Variants in SYN3 observed in about 807,000 individuals in gnomAD.
The protein encoded by SYN3 is synapsin III, also known as synapsin-3.
SYN3 carries 35 observed loss-of-function variants against 65.8 expected under a neutral mutation model. The observed-to-expected ratio is 0.53, with a 90% CI of 0.41 to 0.70. The LOEUF is 0.70. Ranked by LOEUF, SYN3 falls within the 30% of genes least tolerant of loss-of-function variation. The pLI is 0.00. For missense variants in SYN3, 680 were observed against 749.0 expected (o/e 0.91, Z 1.08); for synonymous variants, 270 against 292.9 (o/e 0.92, Z 0.80).
At chr22:32,548,133 G>C (rs1440973372) in intron 7 of SYN3, among the ~76,000 whole-genome samples, 1 of 152,188 alleles carries the variant, frequency 6.6e-6, no homozygotes, top group East Asian at 1.9e-4. Flanking sequence ...ACAGACCCCA[G>C]GTGTGGTTTC....
chr22:32,641,974 T>G (rs1323917126), intron 6 of SYN3, among the ~76,000 whole-genome samples: 1 of 151,998 alleles, frequency 6.6e-6, no homozygotes, highest in Non-Finnish European at 1.5e-5. Context: ...CCTCTGGCAA[T>G]CCTCACACTG....
intron 6 of SYN3, among the ~76,000 whole-genome samples, chr22:32,841,220 AC>A (rs1439559977): frequency 2.0e-5 from 3 of 152,230 alleles, no homozygotes; most frequent in African/African-American, 4.8e-5. Context: ...AAAGCAAAGA[AC>A]CTGCTGCCCG....
At chr22:32,969,148 G>C (rs1356755869) in intron 3 of SYN3, among the ~76,000 whole-genome samples, 1 of 152,170 alleles carries the variant, frequency 6.6e-6, no homozygotes, top group Non-Finnish European at 1.5e-5. Flanking sequence ...GAACTGAGCT[G>C]GGTTTCCCAG....
At chr22:32,662,231 G>A (rs1209899140) in intron 6 of SYN3, among the ~76,000 whole-genome samples, 3 of 150,830 alleles carry the variant, frequency 2.0e-5, no homozygotes, top group African/African-American at 7.4e-5. Flanking sequence ...CTCCTCCCTT[G>A]GCTCTCAGAT....
At chr22:32,830,140 G>T (rs557857972) in intron 6 of SYN3, among the ~76,000 whole-genome samples, 1 of 152,180 alleles carries the variant, frequency 6.6e-6, no homozygotes. Flanking sequence ...GTCCCAGCTA[G>T]TACTTTGCAT....
chr22:32,644,714 T>C (rs2059959289), intron 6 of SYN3, among the ~76,000 whole-genome samples: 1 of 152,176 alleles, frequency 6.6e-6, no homozygotes, highest in Admixed American at 6.5e-5. Flanking sequence ...TACCAGAGCC[T>C]GGCAGGAAGT....
chr22:32,897,218 GC>G (rs1201498609), intron 4 of SYN3, among the ~76,000 whole-genome samples: 1 of 152,178 alleles, frequency 6.6e-6, no homozygotes, highest in Non-Finnish European at 1.5e-5. Context: ...AGATAAGAGT[GC>G]CGGCAGACCT....
intron 6 of SYN3, among the ~76,000 whole-genome samples, chr22:32,665,998 C>A (rs1296767173): frequency 6.6e-6 from 1 of 152,208 alleles, no homozygotes; most frequent in African/African-American, 2.4e-5. Context: ...CAGCTCCAAA[C>A]TAAGTCCTAC....
At position 33,041,452 on chromosome 22, in the gene SYN3, AC is replaced by A. The variant is rs2053963553; in HGVS notation, c.-163+16839del. 2.6e-5 allele frequency among the ~76,000 whole-genome samples: 4 copies of A among 151,394 alleles called. No individual in the cohort carries two copies. The South Asian group carries it at 8.4e-4, about 32-fold the overall frequency. ...ACTACAGCTGGGTGCCCGCCACCAC[AC>A]CCAGCTAATATTTTTTTGGATTTTT... On this transcript the variant is annotated intron_variant, in intron 1 of 13. Transcript: ENST00000358763.
chr22:32,636,310 G>A (rs912795496), intron 6 of SYN3, among the ~76,000 whole-genome samples: 2 of 151,740 alleles, frequency 1.3e-5, no homozygotes, highest in Non-Finnish European at 1.5e-5. Flanking sequence ...GCCGAGGCAG[G>A]AGAATGGCGT....
intron 6 of SYN3, among the ~76,000 whole-genome samples, chr22:32,754,064 C>T (rs560763545): frequency 6.6e-6 from 1 of 152,230 alleles, no homozygotes; most frequent in African/African-American, 2.4e-5. Flanking sequence ...TGGTGGTCCA[C>T]ACCTCTGGGC....
intron 2 of SYN3, among the ~76,000 whole-genome samples, chr22:32,983,575 TA>T (rs1267481121): frequency 6.6e-6 from 1 of 152,136 alleles, no homozygotes; most frequent in Non-Finnish European, 1.5e-5. Flanking sequence ...GGTAGTTTAG[TA>T]GGAAAGGAAC....
intron 6 of SYN3, among the ~76,000 whole-genome samples, chr22:32,808,150 T>C (rs1335328515): frequency 2.6e-5 from 4 of 152,232 alleles, no homozygotes; most frequent in African/African-American, 9.6e-5. Flanking sequence ...TTTATTTTGC[T>C]TTCAGAATAA....
At chr22:32,764,686 G>A (rs964199943) in intron 6 of SYN3, among the ~76,000 whole-genome samples, 1 of 152,146 alleles carries the variant, frequency 6.6e-6, no homozygotes, top group Admixed American at 6.5e-5. Context: ...GACTCTTGGT[G>A]CCTCCCCACT....
At chr22:32,576,193 G>A (rs2058847760) in intron 7 of SYN3, among the ~76,000 whole-genome samples, 1 of 152,008 alleles carries the variant, frequency 6.6e-6, no homozygotes. Flanking sequence ...TCCCTCTCTC[G>A]CAGACCTGGC....
chr22:32,844,585 A>G (rs1051367122), intron 6 of SYN3, among the ~76,000 whole-genome samples: 14 of 152,214 alleles, frequency 9.2e-5, no homozygotes, highest in African/African-American at 3.4e-4. Flanking sequence ...AGAGGGCCCC[A>G]TATATATTTA....
chr22:32,609,952 C>A (rs2059419483), intron 6 of SYN3, among the ~76,000 whole-genome samples: 1 of 152,048 alleles, frequency 6.6e-6, no homozygotes, highest in Non-Finnish European at 1.5e-5. Context: ...ATAAAATTCA[C>A]CCTTTTAGAA....
At chr22:32,969,597 G>A (rs1315255161) in intron 3 of SYN3, among the ~76,000 whole-genome samples, 1 of 152,104 alleles carries the variant, frequency 6.6e-6, no homozygotes, top group East Asian at 1.9e-4. Flanking sequence ...TGAAAAGCAG[G>A]GACCCAGGAG....
At chr22:32,908,255 T>G (rs2049956679) in intron 4 of SYN3, among the ~76,000 whole-genome samples, 1 of 151,984 alleles carries the variant, frequency 6.6e-6, no homozygotes, top group Non-Finnish European at 1.5e-5. Flanking sequence ...CTGGCTAATT[T>G]TTGTATTTTT....
Sources: gnomAD v4.1 joint callset for allele counts (sites outside exome capture counted in the v4.1 genomes callset) on GRCh38, gnomAD v4.1.1 for gene constraint, MANE v1.5 for transcripts, NCBI Gene and HGNC (gene_info 2026-07-23, HGNC 2026-07-21) for gene names.